Variants in RNF44 observed in about 807,000 individuals in gnomAD.
RNF44 encodes ring finger protein 44.
A neutral mutation model predicts 53.6 loss-of-function variants in RNF44; 25 were observed. That is an observed-to-expected ratio of 0.47 (90% CI 0.34 to 0.65). The LOEUF (loss-of-function observed/expected upper bound fraction) is 0.65, where lower values mean the gene tolerates loss of function less well. RNF44 is among the 30% of genes least tolerant of loss of function. RNF44 has a pLI of 0.01. For missense variants in RNF44, 581 were observed against 595.5 expected (o/e 0.98, Z 0.25); for synonymous variants, 282 against 252.2 (o/e 1.12, Z -1.12).
At position 176,530,126 on chromosome 5, in the gene RNF44, G is replaced by A; in HGVS notation, c.882C>T (p.Pro294=). The A allele has an allele frequency of 7.8e-7, 1 of 1,288,106 alleles. No homozygotes were observed. The highest frequency in any genetic ancestry group is 9.9e-7 in the Non-Finnish European group (1 of 1,007,526). 79.8% of individuals were successfully genotyped at this position (1,288,106 alleles called of 1,614,324 possible). Residue 294 remains proline (P), a synonymous_variant, in exon 7 of 11, where the codon CCC becomes CCT. Coordinates refer to ENST00000274811, the MANE Select transcript of RNF44 (RefSeq NM_014901.5). ...TGGGGTAGTAGGGTGGTGGGGGTGG[G>A]GGTGGGGGCGGCGGGGGCAGTGGCT... ...LQQPLPPPPP[P]PPPPPYYPSF...
Position 176,530,663 on chromosome 5 carries a change from C to A in RNF44, c.720G>T (p.Ala240=). The A allele has an allele frequency of 6.5e-7, 1 of 1,534,420 alleles. No individual in the cohort carries two copies. The part of the protein sequence containing the change: ...SLGSFTYSTS[A]PGPALSPSVP... ...CCGACGGGGAAAGGGCTGGGCCAGG[C>A]GCAGAGGTGGAGTAGGTGAAGCTGC... Residue 240 remains alanine (A), a synonymous_variant, in exon 6 of 11, where the codon GCG becomes GCT. Coordinates refer to ENST00000274811, the MANE Select transcript of RNF44 (RefSeq NM_014901.5).
chr5:176,528,802 G>C lies in RNF44; in HGVS notation c.*226C>G. ...ATCAGGGACACTCAGGCAGCTCCGT[G>C]GCGGGCGGGCAGGCAGGCAGACTAG... On this transcript the variant is annotated 3_prime_UTR_variant, in exon 11 of 11. Transcript: ENST00000274811. 1.7e-6 allele frequency: 1 copy of C among 583,234 alleles called. No individual in the cohort carries two copies. Among genetic ancestry groups the C allele is most frequent in the South Asian group, 2.1e-5 (1 of 48,580 alleles). The allele number at this position is 583,234 out of a possible 1,614,324, so 36.1% of individuals were successfully genotyped here.
rs1185214272 is a variant in RNF44 at position 176,528,591 on chromosome 5, C to A, written c.*437G>T. 1.0e-5 allele frequency: 2 copies of A among 192,602 alleles called. No homozygotes were observed. The highest frequency in any genetic ancestry group is 4.7e-5 in the African/African-American group (2 of 42,440). 11.9% of individuals were successfully genotyped at this position (192,602 alleles called of 1,614,324 possible). A position where few individuals can be genotyped will look rare whatever the true frequency, so the allele number is the denominator to read the frequency against. On this transcript the variant is annotated 3_prime_UTR_variant, in exon 11 of 11. Coordinates refer to ENST00000274811, the MANE Select transcript of RNF44 (RefSeq NM_014901.5). The stretch of plus-strand genomic sequence containing the variant: ...GCTCGTGACACCGTCTGTCTACGCA[C>A]CTGGCAGTGCCACCTGGGCAGAGGG...
intron 1 of RNF44, among the ~76,000 whole-genome samples, chr5:176,535,164 C>T (rs1208859010): frequency 2.0e-5 from 3 of 152,190 alleles, no homozygotes; most frequent in Admixed American, 1.3e-4. Flanking sequence ...GCCTACAGAC[C>T]GTGGGCAAGG....
Position 176,537,369 on chromosome 5 carries a change from GA to G in RNF44, c.-475del, listed in dbSNP as rs1464860500. 1 of 152,228 alleles carries G rather than the reference GA, an allele frequency of 6.6e-6. No individual in the cohort carries two copies. Among genetic ancestry groups the G allele is most frequent in the Non-Finnish European group, 1.5e-5 (1 of 68,040 alleles). The allele number at this position is 152,228 out of a possible 1,614,324, so 9.4% of individuals were successfully genotyped here. ...GAGGGGGCTCGCGGGGGCGCGCCGGGAGGCTCCGGCAAACAGTAGCCCGCTG... is the reference window on the plus strand; with the variant it reads ...GAGGGGGCTCGCGGGGGCGCGCCGGGGGCTCCGGCAAACAGTAGCCCGCTG... On this transcript the variant is annotated 5_prime_UTR_variant, in exon 1 of 11. Coordinates refer to ENST00000274811, the MANE Select transcript of RNF44 (RefSeq NM_014901.5).
Position 176,531,887 on chromosome 5 carries a change from A to G in RNF44, c.297+117T>C. On this transcript the variant is annotated intron_variant, in intron 3 of 10. Transcript: ENST00000274811. The surrounding 1 kb of genome is among the most constrained non-coding windows in gnomAD (Gnocchi z 4.2). ...GTTTACCTACCTGTAAAGCAGGGCC[A>G]ATAATGCCTCCCTGGAACGTGAAAT... is the stretch of plus-strand genomic sequence containing the variant. The G allele has an allele frequency of 8.5e-7, 1 of 1,176,272 alleles. No individual in the cohort carries two copies. 72.9% of individuals were successfully genotyped at this position (1,176,272 alleles called of 1,614,324 possible).
chr5:176,539,936 C>T (rs139172188), upstream of RNF44, among the ~76,000 whole-genome samples: 1 of 152,254 alleles, frequency 6.6e-6, no homozygotes, highest in African/African-American at 2.4e-5. Context: ...TGCCTTTGCT[C>T]AGGCTAGACT....
At chr5:176,530,383 TG>T (rs1487845993) in intron 6 of RNF44, among the ~76,000 whole-genome samples, 177 bp from the exon 7 acceptor site, 1 of 48,190 alleles carries the variant, frequency 2.1e-5, no homozygotes, top group Non-Finnish European at 4.0e-5. Context: ...GTCAGCCCGG[TG>T]GGCCTGCCTC....
At position 176,530,841 on chromosome 5, in the gene RNF44, G is replaced by GC. The variant is rs1455662447; in HGVS notation, c.639+6_639+7insG. 34 of 1,194,820 alleles carry GC rather than the reference G, an allele frequency of 2.8e-5. No homozygotes were observed. The highest frequency in any genetic ancestry group is 3.5e-5 in the Non-Finnish European group (33 of 944,726). 74.0% of individuals were successfully genotyped at this position (1,194,820 alleles called of 1,614,324 possible). ...CTCCCTCCAGCATCGGACCCATGCC[G>GC]ACTCACCATCCGAGGGTGCTGGGTC... On this transcript the variant is annotated splice_region_variant and intron_variant, in intron 5 of 10. Coordinates refer to ENST00000274811, the MANE Select transcript of RNF44 (RefSeq NM_014901.5).
In RNF44 at chr5:176,530,901, G is replaced by A. The variant is rs2113113556; in HGVS notation, c.586C>T (p.His196Tyr). The A allele has an allele frequency of 2.1e-6, 3 of 1,403,012 alleles. No individual in the cohort carries two copies. In the East Asian group the frequency reaches 8.4e-5, roughly 39 times the overall value. 86.9% of individuals were successfully genotyped at this position (1,403,012 alleles called of 1,614,324 possible). The change falls in exon 5 of 11, where the codon CAC becomes TAC. Residue 196 changes from histidine (H) to tyrosine (Y), a missense_variant. By Grantham distance (83) the His-to-Tyr change is moderately conservative (BLOSUM62 2). This residue lies in a region of RNF44 where 387 missense variants were observed against 366.0 expected (regional missense o/e 1.06). Transcript: ENST00000274811. The part of the protein sequence containing the change: ...PPPAPPPQPT[H>Y]MAPLGQFVSL... ...ACAAACTGCCCCAGGGGCGCCATGT[G>A]GGTGGGCTGGGGGGGTGGGGCCGGT...
In RNF44 at chr5:176,529,104, C is replaced by A. The variant is rs368215297; in HGVS notation, c.1237-14G>T. The A allele has an allele frequency of 1.6e-5, 26 of 1,612,876 alleles. No homozygotes were observed. The Admixed American group carries it at 2.2e-4, about 13-fold the overall frequency. ...CGTCCGGTTGGCCTGTGGGAACATGCACGTCAGGCGTTGCTCTCACCAGCC... is the reference window on the plus strand; with the variant it reads ...CGTCCGGTTGGCCTGTGGGAACATGAACGTCAGGCGTTGCTCTCACCAGCC... On this transcript the variant is annotated splice_polypyrimidine_tract_variant and intron_variant, in intron 10 of 10. Transcript: ENST00000274811.
chr5:176,529,857 A>G (rs752966572), intron 7 of RNF44, 39 bp from the exon 8 acceptor site: 3 of 1,536,436 alleles, frequency 2.0e-6, no homozygotes, highest in South Asian at 1.3e-5. Context: ...GGTCAAGGTC[A>G]GGAGTGGGGC....
At chr5:176,532,915 G>GACAGCTCAGCCTGCCAGC (rs1423980305) in intron 1 of RNF44, among the ~76,000 whole-genome samples, 1 of 152,086 alleles carries the variant, frequency 6.6e-6, no homozygotes, top group Non-Finnish European at 1.5e-5. Context: ...GACACGCCAG[G>GACAGCTCAGCCTGCCAGC]ACAGCTCAGC....
In RNF44 at chr5:176,531,347, C is replaced by G; in HGVS notation, c.465+116G>C. ...TGGGGAGGCCAGGCAGGCGCTCTGA[C>G]AGCCTGGATGGCTGGATAGCTCAGC... is the stretch of plus-strand genomic sequence containing the variant. On this transcript the variant is annotated intron_variant, in intron 4 of 10. Coordinates refer to ENST00000274811, the MANE Select transcript of RNF44 (RefSeq NM_014901.5). The surrounding 1 kb of genome is among the most constrained non-coding windows in gnomAD (Gnocchi z 4.2). The G allele has an allele frequency of 1.9e-6, 2 of 1,043,562 alleles. No individual in the cohort carries two copies. Among genetic ancestry groups the G allele is most frequent in the Non-Finnish European group, 2.7e-6 (2 of 738,096 alleles). The allele number at this position is 1,043,562 out of a possible 1,614,324, so 64.6% of individuals were successfully genotyped here.
rs754505442 is a variant in RNF44 at position 176,531,982 on chromosome 5, C to T, written c.297+22G>A. The T allele has an allele frequency of 1.3e-6, 2 of 1,594,456 alleles. No individual in the cohort carries two copies. Among genetic ancestry groups the T allele is most frequent in the South Asian group, 1.1e-5 (1 of 88,350 alleles). Reference sequence around the variant, plus strand: ...AGACTGGCTCACAGGGCCAGGGGCACAGGGGATGGGGTTCTGCCTACCTGC... The same window carrying T: ...AGACTGGCTCACAGGGCCAGGGGCATAGGGGATGGGGTTCTGCCTACCTGC... On this transcript the variant is annotated intron_variant, in intron 3 of 10. Coordinates refer to ENST00000274811, the MANE Select transcript of RNF44 (RefSeq NM_014901.5). This position sits in a 1 kb window ranked among gnomAD's most constrained non-coding sequence, Gnocchi z 4.2.
At chr5:176,529,196 G>A in intron 10 of RNF44, 92 bp downstream of exon 10, 1 of 1,553,322 alleles carries the variant, frequency 6.4e-7, no homozygotes, top group South Asian at 1.1e-5. Context: ...CTTCCGAGAT[G>A]ATGACAAGGA....
intron 1 of RNF44, among the ~76,000 whole-genome samples, chr5:176,535,842 C>T (rs1418331450): frequency 2.0e-5 from 3 of 152,200 alleles, no homozygotes; most frequent in Non-Finnish European, 4.4e-5. Flanking sequence ...TCCATGCTGT[C>T]CTATCACGGA....
upstream of RNF44, among the ~76,000 whole-genome samples, chr5:176,542,999 C>T (rs1757488454): frequency 6.6e-6 from 1 of 152,068 alleles, no homozygotes; most frequent in Non-Finnish European, 1.5e-5. Context: ...GGGACGTGCG[C>T]GGGGCGCAGG....
At chr5:176,534,434 C>T (rs1218569993) in intron 1 of RNF44, among the ~76,000 whole-genome samples, 2 of 152,374 alleles carry the variant, frequency 1.3e-5, no homozygotes, top group Non-Finnish European at 1.5e-5. Context: ...CCCTGACAGG[C>T]ATGTCTACAC....
Sources: gnomAD v4.1 joint callset for allele counts (sites outside exome capture counted in the v4.1 genomes callset) on GRCh38, gnomAD v4.1.1 for gene constraint, gnomAD v4.1.1 regional missense constraint, Gnocchi (gnomAD v3.1) non-coding constraint, MANE v1.5 for transcripts, NCBI Gene and HGNC (gene_info 2026-07-23, HGNC 2026-07-21) for gene names.